The following DNAI7 variants were observed in gnomAD, a reference collection of about 807,000 sequenced individuals.
DNAI7 encodes the protein cancer susceptibility 1.
DNAI7 carries 78 observed loss-of-function variants against 86.6 expected under a neutral mutation model. That is an observed-to-expected ratio of 0.90 (90% CI 0.75 to 1.09). The LOEUF (loss-of-function observed/expected upper bound fraction) is 1.09. Among genes scored for constraint, DNAI7 ranks in the 50% least tolerant of loss-of-function variants. The probability of loss-of-function intolerance (pLI) is 0.00; values close to 1 mark genes in which losing one functional copy is unlikely to be tolerated. For synonymous variants in DNAI7, 274 were observed against 273.0 expected, an observed-to-expected ratio of 1.00 and a Z score of -0.04; for missense variants, 753 against 810.2, an observed-to-expected ratio of 0.93 and a Z score of 0.86.
intron 2 of DNAI7, among the ~76,000 whole-genome samples, chr12:25,167,141 C>T (rs1947571047): frequency 6.6e-6 from 1 of 152,176 alleles, no homozygotes; most frequent in African/African-American, 2.4e-5. Flanking sequence ...TTTCACCAGG[C>T]CTAATCGCCA....
chr12:25,191,381 G>A (rs759483258), intron 1 of DNAI7, among the ~76,000 whole-genome samples: 1 of 152,210 alleles, frequency 6.6e-6, no homozygotes, highest in African/African-American at 2.4e-5. Flanking sequence ...GCAGCCAAGC[G>A]AGACCGCATT....
rs369253749 is a variant in DNAI7, at chr12:25,120,317, G to GGAGAGAGAGAGAGAGAGAGAGAGAGA, written c.1240-1017_1240-1016insTCTCTCTCTCTCTCTCTCTCTCTCTC. Among the ~76,000 whole-genome samples, 727 of 80,628 alleles carry GGAGAGAGAGAGAGAGAGAGAGAGAGA rather than the reference G, an allele frequency of 9.0e-3. 87 individuals are homozygous for GGAGAGAGAGAGAGAGAGAGAGAGAGA. The highest frequency in any genetic ancestry group is 0.03 in the Middle Eastern group (4 of 132). 52.9% of individuals were successfully genotyped at this position (80,628 alleles called of 152,430 possible). ...AGAAGAGAGAGAGAGGCAGGAAGAGGGAGAGAGAGAGAGAGAGAGAGAGAG... is the reference window on the plus strand; with the variant it reads ...AGAAGAGAGAGAGAGGCAGGAAGAGGGAGAGAGAGAGAGAGAGAGAGAGAGAGAGAGAGAGAGAGAGAGAGAGAGAG... On this transcript the variant is annotated intron_variant, in intron 11 of 15. Transcript: ENST00000395987.
chr12:25,181,112 A>AT (rs1015035295), intron 2 of DNAI7, among the ~76,000 whole-genome samples: 19 of 151,712 alleles, frequency 1.3e-4, no homozygotes, highest in African/African-American at 3.9e-4. Context: ...CCGGCCTATA[A>AT]TTTTTTTTAA....
intron 2 of DNAI7, 26 bp downstream of exon 2, chr12:25,190,584 ACTAT>A (rs1244127078): frequency 8.9e-7 from 1 of 1,129,566 alleles, no homozygotes; most frequent in South Asian, 1.6e-5. Context: ...TGATTATACA[ACTAT>A]CTATTTTGAA....
intron 11 of DNAI7, among the ~76,000 whole-genome samples, chr12:25,119,692 C>T (rs1419037691): frequency 6.6e-6 from 1 of 152,134 alleles, no homozygotes; most frequent in African/African-American, 2.4e-5. Flanking sequence ...AAATCACATG[C>T]TCTAATACCA....
chr12:25,136,656 T>C (rs758501074), intron 9 of DNAI7, among the ~76,000 whole-genome samples: 3 of 152,000 alleles, frequency 2.0e-5, no homozygotes, highest in Non-Finnish European at 2.9e-5. Flanking sequence ...AAAGAAATTG[T>C]AAAAATGATA....
At chr12:25,179,631 A>T (rs1949310338) in intron 2 of DNAI7, among the ~76,000 whole-genome samples, 2 of 152,178 alleles carry the variant, frequency 1.3e-5, no homozygotes, top group South Asian at 4.1e-4. Flanking sequence ...TTCAACATAC[A>T]CAAATCAATA....
At chr12:25,110,002 G>A (rs1949674509) in intron 15 of DNAI7, 125 bp downstream of exon 15, 7 of 605,536 alleles carry the variant, frequency 1.2e-5, no homozygotes, top group South Asian at 4.1e-5. Context: ...TTAAAATTCC[G>A]TATTGAATGT....
At chr12:25,148,986 T>C (rs1322294900) in intron 7 of DNAI7, among the ~76,000 whole-genome samples, 5 of 152,112 alleles carry the variant, frequency 3.3e-5, no homozygotes, top group African/African-American at 1.2e-4. Context: ...TTCTTCTCCT[T>C]CTTCTTCTAT....
chr12:25,184,011 C>T (rs1329505707), intron 2 of DNAI7, among the ~76,000 whole-genome samples: 1 of 152,034 alleles, frequency 6.6e-6, no homozygotes, highest in Non-Finnish European at 1.5e-5. Flanking sequence ...TATATCCAGA[C>T]CTGTATCCTC....
intron 1 of DNAI7, among the ~76,000 whole-genome samples, chr12:25,193,148 AG>A (rs1210969459): frequency 1.3e-5 from 2 of 151,686 alleles, no homozygotes; most frequent in Non-Finnish European, 2.9e-5. Flanking sequence ...AGTCTCAAAA[AG>A]AAAAAAAAAA....
chr12:25,192,215 G>T (rs1472667228), intron 1 of DNAI7, among the ~76,000 whole-genome samples: 1 of 152,134 alleles, frequency 6.6e-6, no homozygotes, highest in Non-Finnish European at 1.5e-5. Flanking sequence ...CTTCCATCGT[G>T]AAATAAGTAC....
At chr12:25,111,556 T>C (rs914318893) in intron 14 of DNAI7, among the ~76,000 whole-genome samples, 4 of 152,202 alleles carry the variant, frequency 2.6e-5, no homozygotes, top group African/African-American at 9.6e-5. Context: ...TCTGTGGATA[T>C]GCTCCATTTG....
At chr12:25,141,187 G>GCAA (rs535232691) in intron 9 of DNAI7, among the ~76,000 whole-genome samples, 1 of 152,080 alleles carries the variant, frequency 6.6e-6, no homozygotes, top group African/African-American at 2.4e-5. Flanking sequence ...AAAAGCAAAT[G>GCAA]CAACAACAAC....
chr12:25,144,487 C>T lies in DNAI7; in HGVS notation c.880G>A (p.Val294Ile). 2 of 1,614,118 alleles carry T rather than the reference C, an allele frequency of 1.2e-6. No homozygotes were observed. Among genetic ancestry groups the T allele is most frequent in the South Asian group, 1.1e-5 (1 of 91,084 alleles). ...TELVKDDVKN[V>I]EKAISKEVEE... ...ACCTCCTTGCTGATTGCTTTTTCTA[C>T]ATTCTTAACATCATCTTTGACAAGC... Residue 294 changes from valine (V) to isoleucine (I), a missense_variant, in exon 9 of 16, where the codon GTA (valine) becomes ATA (isoleucine). Transcript: ENST00000395987.
rs1949715084 is a variant in DNAI7, at chr12:25,110,323, T to C, written c.1780-83A>G. ...ATCTTTGGCCTCCTTCAGTCTATTTTCAACACAGACGGATCCACTTAAAAT... is the reference window on the plus strand; with the variant it reads ...ATCTTTGGCCTCCTTCAGTCTATTTCCAACACAGACGGATCCACTTAAAAT... On this transcript the variant is annotated intron_variant, in intron 14 of 15. Transcript: ENST00000395987. 6 of 766,398 alleles carry C rather than the reference T, an allele frequency of 7.8e-6. 1 individual carries two copies. The highest frequency in any genetic ancestry group is 7.4e-5 in the East Asian group (3 of 40,780). 47.5% of individuals were successfully genotyped at this position (766,398 alleles called of 1,614,324 possible).
chr12:25,147,924 A>G (rs1052200091), intron 7 of DNAI7, among the ~76,000 whole-genome samples: 2 of 152,194 alleles, frequency 1.3e-5, no homozygotes, highest in Non-Finnish European at 2.9e-5. Flanking sequence ...TCCAATATTA[A>G]CCATAAAATT....
intron 8 of DNAI7, among the ~76,000 whole-genome samples, chr12:25,145,945 G>C (rs931265621): frequency 6.6e-6 from 1 of 152,152 alleles, no homozygotes; most frequent in African/African-American, 2.4e-5. Context: ...TATGTTTGCC[G>C]GGCGCAGTGG....
intron 2 of DNAI7, among the ~76,000 whole-genome samples, chr12:25,175,825 A>G (rs1235391023): frequency 5.9e-5 from 9 of 151,520 alleles, no homozygotes. Flanking sequence ...CACACCTGTA[A>G]TCCCAGCACT....
Sources: gnomAD v4.1 joint callset for allele counts (sites outside exome capture counted in the v4.1 genomes callset) on GRCh38, gnomAD v4.1.1 for gene constraint, MANE v1.5 for transcripts, NCBI Gene and HGNC (gene_info 2026-07-23, HGNC 2026-07-21) for gene names.